The following AKR1C2 variants were observed in gnomAD, a reference collection of about 807,000 sequenced individuals.
AKR1C2 encodes aldo-keto reductase family 1 member C2.
AKR1C2 carries 27 observed loss-of-function variants against 39.8 expected under a neutral mutation model. The observed-to-expected ratio is 0.68, with a 90% CI of 0.50 to 0.93. The LOEUF (loss-of-function observed/expected upper bound fraction) is 0.93. AKR1C2 is among the 40% of genes least tolerant of loss of function. AKR1C2 has a pLI of 0.00. For missense variants in AKR1C2, 263 were observed against 365.1 expected (o/e 0.72, Z 2.28); for synonymous variants, 114 against 137.9 (o/e 0.83, Z 1.22).
rs4307630 is a variant in AKR1C2 at position 4,990,094 on chromosome 10, C to G, written c.930-56G>C. 488,152 of 1,599,732 alleles carry G rather than the reference C, an allele frequency of 0.31. 81,663 individuals are homozygous for G. The highest frequency in any genetic ancestry group is 0.62 in the East Asian group (27,758 of 44,526). On this transcript the variant is annotated intron_variant, in intron 8 of 8. Coordinates refer to ENST00000380753, the MANE Select transcript of AKR1C2 (RefSeq NM_001393392.1). ...AATGGCAATGACTCCGTTACTAGCC[C>G]GTAGCGCAGTGATTTCTAGGAAGCT... is the stretch of plus-strand genomic sequence containing the variant.
intron 1 of AKR1C2, among the ~76,000 whole-genome samples, chr10:5,011,083 G>C (rs1588311125): frequency 6.7e-6 from 1 of 149,980 alleles, no homozygotes; most frequent in East Asian, 1.9e-4. Flanking sequence ...CTACACAATT[G>C]GGAAAAATAA....
At position 5,001,681 on chromosome 10, in the gene AKR1C2, C is replaced by T; in HGVS notation, c.85G>A (p.Val29Ile). 3.1e-6 allele frequency: 5 copies of T among 1,613,512 alleles called. No individual in the cohort carries two copies. Among genetic ancestry groups the T allele is most frequent in the East Asian group, 2.2e-5 (1 of 44,884 alleles). ...GCCTCTAGAGCTTTACTTTTAGGAA[C>T]CTGGGGGAGCAACCAAACGTAATAT... ...LGFGTYAPAE[V>I]PKSKALEAVK... The change falls in exon 2 of 9, where the codon GTT (valine) becomes ATT (isoleucine). Residue 29 changes from valine to isoleucine, a missense_variant and splice_region_variant. Physicochemically the swap from Val to Ile is conservative, Grantham distance 29 (BLOSUM62 3). Around this residue, in one of 3 missense-constraint regions of AKR1C2, gnomAD observed 247 missense variants for 267.9 expected, o/e 0.92. Transcript: ENST00000380753.
At position 4,988,048 on chromosome 10, in the gene AKR1C2, G is replaced by T. The variant is rs1384379074; in HGVS notation, c.*1948C>A. 1.3e-5 allele frequency: 2 copies of T among 151,898 alleles called. No individual in the cohort carries two copies. Among genetic ancestry groups the T allele is most frequent in the Admixed American group, 6.5e-5 (1 of 15,268 alleles). The allele number at this position is 151,898 out of a possible 1,614,324, so 9.4% of individuals were successfully genotyped here. A position where few individuals can be genotyped will look rare whatever the true frequency, so the allele number is the denominator to read the frequency against. On this transcript the variant is annotated 3_prime_UTR_variant, in exon 9 of 9. Coordinates refer to ENST00000380753, the MANE Select transcript of AKR1C2 (RefSeq NM_001393392.1). Reference sequence around the variant, plus strand: ...TAAGAGTTTTATAAAAATGGATGGTGAAGAACTGGAAAAAGCCCACAGCAG... The same window carrying T: ...TAAGAGTTTTATAAAAATGGATGGTTAAGAACTGGAAAAAGCCCACAGCAG...
chr10:4,992,250 G>A (rs1289632467), intron 7 of AKR1C2, among the ~76,000 whole-genome samples: 4 of 151,892 alleles, frequency 2.6e-5, no homozygotes, highest in South Asian at 4.2e-4. Context: ...GGCAAATTTT[G>A]TAATGTCTAG....
intron 1 of AKR1C2, among the ~76,000 whole-genome samples, chr10:5,012,522 G>GATGCC (rs1837544202): frequency 6.7e-6 from 1 of 150,290 alleles, no homozygotes; most frequent in Non-Finnish European, 1.5e-5. Context: ...GAGATCCTAA[G>GATGCC]ATGCCATGCA....
chr10:5,000,954 G>C (rs1360266749), intron 2 of AKR1C2, among the ~76,000 whole-genome samples: 1 of 152,188 alleles, frequency 6.6e-6, no homozygotes, highest in Non-Finnish European at 1.5e-5. Context: ...TCTTTGGTAA[G>C]TTTTACAACT....
chr10:5,002,160 A>G (rs1467070376), intron 1 of AKR1C2, among the ~76,000 whole-genome samples: 1 of 152,206 alleles, frequency 6.6e-6, no homozygotes, highest in African/African-American at 2.4e-5. Context: ...TGTTGTCTAC[A>G]AGAGATGCCC....
chr10:5,003,730 A>G (rs1167044894), intron 1 of AKR1C2, 22 bp downstream of exon 1: 2 of 1,607,840 alleles, frequency 1.2e-6, no homozygotes, highest in Non-Finnish European at 1.7e-6. Flanking sequence ...TGAACTCTCA[A>G]CACTAAAAAT....
chr10:4,997,169 A>G (rs1349944580), intron 5 of AKR1C2: 1 of 152,390 alleles, frequency 6.6e-6, no homozygotes, highest in Non-Finnish European at 1.5e-5. Flanking sequence ...ACAGCATGAT[A>G]AAAACATTTT....
chr10:5,002,013 G>T (rs1554773896), intron 1 of AKR1C2, among the ~76,000 whole-genome samples: 4 of 152,110 alleles, frequency 2.6e-5, no homozygotes. Context: ...TTAGTATGGT[G>T]AAATTAACAC....
At chr10:5,009,423 G>T (rs1837473517) in intron 1 of AKR1C2, among the ~76,000 whole-genome samples, 1 of 152,040 alleles carries the variant, frequency 6.6e-6, no homozygotes, top group South Asian at 2.1e-4. Context: ...TCAGCAGCTT[G>T]CACACCTTGC....
In AKR1C2 at chr10:4,989,743, G is replaced by A. The variant is rs1184217055; in HGVS notation, c.*253C>T. 469 of 554,972 alleles carry A rather than the reference G, an allele frequency of 8.5e-4. No homozygotes were observed. The highest frequency in any genetic ancestry group is 1.2e-3 in the Non-Finnish European group (385 of 317,268). The allele number at this position is 554,972 out of a possible 1,614,324, so 34.4% of individuals were successfully genotyped here. On this transcript the variant is annotated 3_prime_UTR_variant, in exon 9 of 9. Transcript: ENST00000380753. ...TGGGGGCACTAGTGTGTCAGAAGGAGAGAAAACATAGAAGTTATGGAGACC... is the reference window on the plus strand; with the variant it reads ...TGGGGGCACTAGTGTGTCAGAAGGAAAGAAAACATAGAAGTTATGGAGACC...
Position 5,000,655 on chromosome 10 carries a change from A to G in AKR1C2, c.264T>C (p.Asn88=). Residue 88 remains asparagine (N), a synonymous_variant, in exon 3 of 9, where the codon AAT becomes AAC. Transcript: ENST00000380753. ...GTCGGACCAACTCTGGTCGATGGGA[A>G]TTGCTCCAAAGCTGCAGAGGTTAGA... ...DIFYTSKLWS[N]SHRPELVRPA... is the part of the protein sequence containing the mutation. 3 of 1,613,682 alleles carry G rather than the reference A, an allele frequency of 1.9e-6. No homozygotes were observed. Among genetic ancestry groups the G allele is most frequent in the Non-Finnish European group, 2.5e-6 (3 of 1,179,802 alleles).
rs1472161383 is a variant in AKR1C2, at chr10:4,991,100, A to G, written c.929+731T>C. 2.0e-4 allele frequency among the ~76,000 whole-genome samples: 31 copies of G among 151,356 alleles called. 1 individual carries two copies. Among genetic ancestry groups the G allele is most frequent in the Admixed American group, 1.6e-3 (25 of 15,250 alleles). On this transcript the variant is annotated intron_variant, in intron 8 of 8. Coordinates refer to ENST00000380753, the MANE Select transcript of AKR1C2 (RefSeq NM_001393392.1). Reference sequence around the variant, plus strand: ...CTAGAACCTTAGAATATAGAGGAATAGTAAACGTCTGTTACTGGTTATAAA... The same window carrying G: ...CTAGAACCTTAGAATATAGAGGAATGGTAAACGTCTGTTACTGGTTATAAA...
chr10:5,017,867 A>G (rs111756045), intron 1 of AKR1C2: 7,271 of 153,142 alleles, frequency 0.047, 540 homozygotes, highest in African/African-American at 0.16. Context: ...GGCTGTACAG[A>G]AGGCATGGCA....
At position 4,998,762 on chromosome 10, in the gene AKR1C2, T is replaced by C. The variant is rs782084808; in HGVS notation, c.448-15A>G. Reference sequence around the variant, plus strand: ...TTCTCCATGGCCTGGGAAAAAGGAATTGTGAGGTATCATTTGTGTAGTCGA... The same window carrying C: ...TTCTCCATGGCCTGGGAAAAAGGAACTGTGAGGTATCATTTGTGTAGTCGA... On this transcript the variant is annotated splice_polypyrimidine_tract_variant and intron_variant, in intron 4 of 8. Coordinates refer to ENST00000380753, the MANE Select transcript of AKR1C2 (RefSeq NM_001393392.1). 6.2e-7 allele frequency: 1 copy of C among 1,613,976 alleles called. No individual in the cohort carries two copies. The highest frequency in any genetic ancestry group is 1.1e-5 in the South Asian group (1 of 91,048).
chr10:4,995,684 A>G (rs1264934072), intron 6 of AKR1C2, 72 bp downstream of exon 6: 3 of 1,484,824 alleles, frequency 2.0e-6, no homozygotes, highest in Non-Finnish European at 2.7e-6. Context: ...GAACTCCAGG[A>G]AACAGCATGA....
intron 5 of AKR1C2, chr10:4,996,193 A>T (rs1837030822): frequency 7.8e-6 from 2 of 257,808 alleles, no homozygotes; most frequent in African/African-American, 4.6e-5. Flanking sequence ...AGAAATCAAG[A>T]ATTTGGTCAA....
In AKR1C2 at chr10:5,001,591, C is replaced by G. The variant is rs1554773827; in HGVS notation, c.175G>C (p.Glu59Gln). 6.2e-7 allele frequency: 1 copy of G among 1,614,018 alleles called. No homozygotes were observed. Residue 59 changes from glutamate to glutamine, a missense_variant, in exon 2 of 9, where the codon GAG becomes CAG. By Grantham distance (29) the Glu-to-Gln change is conservative (BLOSUM62 2). This residue lies in a region of AKR1C2 where 247 missense variants were observed against 267.9 expected (regional missense o/e 0.92). Transcript: ENST00000380753. ...IDSAHVYNNE[E>Q]QVGLAIRSKI... ...CTTCGGATGGCCAGTCCAACCTGCT[C>G]CTCATTATTGTAAACATGTGCAGAA...
Sources: allele counts gnomAD v4.1 joint callset (sites outside exome capture counted in the v4.1 genomes callset), GRCh38; gene constraint gnomAD v4.1.1; regional missense constraint gnomAD v4.1.1; transcripts MANE v1.5; gene names NCBI Gene and HGNC (gene_info 2026-07-23, HGNC 2026-07-21).